Variants in LARP4B observed in about 807,000 individuals in gnomAD.
LARP4B encodes the protein la-related protein 4B.
In LARP4B, 12 loss-of-function variants were observed where a neutral mutation model predicts 89.8. The observed-to-expected ratio is 0.13, with a 90% CI of 0.09 to 0.22. LARP4B has a LOEUF of 0.22. Among genes scored for constraint, LARP4B ranks in the 10% least tolerant of loss-of-function variants. The pLI is 1.00. For synonymous variants in LARP4B, 367 were observed against 363.3 expected, an observed-to-expected ratio of 1.01 and a Z score of -0.12; for missense variants, 757 against 947.7, an observed-to-expected ratio of 0.80 and a Z score of 2.64.
upstream of LARP4B, among the ~76,000 whole-genome samples, chr10:932,221 ACCCTGGCCACCCAGGACACG>A (rs1564452218): frequency 2.5e-5 from 2 of 78,964 alleles, no homozygotes; most frequent in African/African-American, 1.0e-4. Flanking sequence ...CCAGGCCCCG[ACCCTGGCCACCCAGGACACG>A]CCCTGGCCCT....
the LARP4B span, among the ~76,000 whole-genome samples, chr10:956,591 C>T: frequency 1.3e-5 from 2 of 152,144 alleles, no homozygotes; most frequent in African/African-American, 4.8e-5. The surrounding 1 kb of genome is among the most constrained non-coding windows in gnomAD (Gnocchi z 4.3). Flanking sequence ...GTGATCCGCC[C>T]GCCTCGGTAT....
At chr10:959,391 T>TCATCAATCCACCTCCC in the LARP4B span, among the ~76,000 whole-genome samples, 11 of 70,734 alleles carry the variant, frequency 1.6e-4, no homozygotes, top group African/African-American at 6.8e-4. Context: ...TCCCACCTCC[T>TCATCAATCCACCTCCC]CATCAATCCA....
chr10:814,602 A>C lies in LARP4B; in HGVS notation c.1929+140T>G, dbSNP rs1564375767. On this transcript the variant is annotated intron_variant, in intron 17 of 17. Transcript: ENST00000316157. This position sits in a 1 kb window ranked among gnomAD's most constrained non-coding sequence, Gnocchi z 4.4. ...AAATATTAAAGGTATTTTGTACAGA[A>C]AACACAACACAGACAGACGCAAATA... is the stretch of plus-strand genomic sequence containing the variant. 4 of 1,537,194 alleles carry C rather than the reference A, an allele frequency of 2.6e-6. No individual in the cohort carries two copies. The highest frequency in any genetic ancestry group is 3.5e-6 in the Non-Finnish European group (4 of 1,135,854).
chr10:938,924 G>T, the LARP4B span, among the ~76,000 whole-genome samples: 1 of 152,238 alleles, frequency 6.6e-6, no homozygotes, highest in African/African-American at 2.4e-5. Flanking sequence ...AGAGGAAGCA[G>T]TTGGTAGAGA....
At chr10:863,626 G>C (rs1447360346) in intron 5 of LARP4B, 117 bp downstream of exon 5, 1 of 1,148,954 alleles carries the variant, frequency 8.7e-7, no homozygotes, top group Non-Finnish European at 1.2e-6. Flanking sequence ...GTTTAAAGTA[G>C]AATTAAAAGC....
intron 5 of LARP4B, among the ~76,000 whole-genome samples, chr10:846,101 AAC>A (rs1447074771): frequency 1.3e-5 from 2 of 152,222 alleles, no homozygotes; most frequent in Non-Finnish European, 2.9e-5. Flanking sequence ...GAAAATTGAA[AAC>A]ACAACCTGAT....
chr10:876,240 C>A (rs761215368), intron 3 of LARP4B, among the ~76,000 whole-genome samples: 1 of 152,088 alleles, frequency 6.6e-6, no homozygotes, highest in South Asian at 2.1e-4. Context: ...AAAAATTAGC[C>A]GGGTGTGGTG....
chr10:839,645 G>A lies in LARP4B; in HGVS notation c.647-3139C>T, dbSNP rs1555899. Among the ~76,000 whole-genome samples the A allele has an allele frequency of 6.6e-5, 10 of 152,180 alleles. No homozygotes were observed. In the East Asian group the frequency reaches 1.2e-3, roughly 18 times the overall value. On this transcript the variant is annotated intron_variant, in intron 7 of 17. Coordinates refer to ENST00000316157, the MANE Select transcript of LARP4B (RefSeq NM_015155.3). ...ACATAAAATTAACATGATTGCATACGAAGTGTCAGAAGGATATGGGGCAAC... is the reference window on the plus strand; with the variant it reads ...ACATAAAATTAACATGATTGCATACAAAGTGTCAGAAGGATATGGGGCAAC...
chr10:817,590 T>C, intron 15 of LARP4B, 135 bp downstream of exon 15: 1 of 823,784 alleles, frequency 1.2e-6, no homozygotes, highest in East Asian at 2.5e-5. Context: ...CTGTGTGACC[T>C]CTGCAATCAC....
At chr10:942,723 A>G in the LARP4B span, 11 of 152,140 alleles carry the variant, frequency 7.2e-5, no homozygotes, top group African/African-American at 2.7e-4. Flanking sequence ...AGATCATAAT[A>G]AATATGGAAA....
At chr10:902,614 C>A (rs183543729) in intron 1 of LARP4B, among the ~76,000 whole-genome samples, 1 of 151,562 alleles carries the variant, frequency 6.6e-6, no homozygotes, top group East Asian at 1.9e-4. Flanking sequence ...CATTTAACCT[C>A]AAGTTGAAGC....
chr10:917,694 TGTAA>T (rs1360513926), intron 1 of LARP4B, among the ~76,000 whole-genome samples: 1 of 152,266 alleles, frequency 6.6e-6, no homozygotes, highest in Non-Finnish European at 1.5e-5. Context: ...ACCCAATTCA[TGTAA>T]GTATTACCAG....
In LARP4B at chr10:864,110, A is replaced by G. The variant is rs775841240; in HGVS notation, c.289+13T>C. 28 of 1,614,036 alleles carry G rather than the reference A, an allele frequency of 1.7e-5. No individual in the cohort carries two copies. The East Asian group carries it at 6.2e-4, about 36-fold the overall frequency. ...AAGCAGGGGGCTGCACACCACGGCCATGCTCAACTTACCCTGCGGGCCACG... is the reference window on the plus strand; with the variant it reads ...AAGCAGGGGGCTGCACACCACGGCCGTGCTCAACTTACCCTGCGGGCCACG... On this transcript the variant is annotated intron_variant, in intron 4 of 17. Transcript: ENST00000316157.
chr10:977,481 G>C, the LARP4B span, among the ~76,000 whole-genome samples: 2 of 151,672 alleles, frequency 1.3e-5, no homozygotes, highest in East Asian at 3.9e-4. Context: ...CAAGGCTGCA[G>C]TGAGCCAAGA....
chr10:847,718 A>G (rs569611993), intron 5 of LARP4B, among the ~76,000 whole-genome samples: 2 of 152,158 alleles, frequency 1.3e-5, no homozygotes, highest in African/African-American at 4.8e-5. Context: ...TTTAGTAGAG[A>G]CAGGGTTTCA....
the LARP4B span, chr10:972,423 C>CA: frequency 4.6e-6 from 2 of 431,450 alleles, no homozygotes; most frequent in African/African-American, 2.0e-5. Context: ...AAACATGAGC[C>CA]AAAAAAACTT....
rs1831905304 is a variant in LARP4B at position 814,365 on chromosome 10, C to G, written c.1929+377G>C. ...GGAGGCTGGTGGGGCCACCATCTTG[C>G]TCTTCCTGTCTCTTCATCAGACACA... On this transcript the variant is annotated intron_variant, in intron 17 of 17. Coordinates refer to ENST00000316157, the MANE Select transcript of LARP4B (RefSeq NM_015155.3). This position sits in a 1 kb window ranked among gnomAD's most constrained non-coding sequence, Gnocchi z 4.4. 1 of 342,860 alleles carries G rather than the reference C, an allele frequency of 2.9e-6. No homozygotes were observed. Among genetic ancestry groups the G allele is most frequent in the African/African-American group, 2.2e-5 (1 of 45,942 alleles). The allele number at this position is 342,860 out of a possible 1,614,324, so 21.2% of individuals were successfully genotyped here.
chr10:980,567 G>A, the LARP4B span, among the ~76,000 whole-genome samples: 1 of 152,204 alleles, frequency 6.6e-6, no homozygotes, highest in Non-Finnish European at 1.5e-5. Flanking sequence ...AGCTGCCAAC[G>A]GTTATGTTCT....
chr10:970,610 G>A, the LARP4B span, among the ~76,000 whole-genome samples: 4 of 152,126 alleles, frequency 2.6e-5, no homozygotes, highest in Non-Finnish European at 5.9e-5. Context: ...ATTTTACTCT[G>A]GATCCTCGAA....
Sources: gnomAD v4.1 joint callset for allele counts (sites outside exome capture counted in the v4.1 genomes callset) on GRCh38, gnomAD v4.1.1 for gene constraint, Gnocchi (gnomAD v3.1) non-coding constraint, MANE v1.5 for transcripts, NCBI Gene and HGNC (gene_info 2026-07-23, HGNC 2026-07-21) for gene names.